Variants in GLUD1 observed in about 807,000 individuals in gnomAD.
GLUD1 encodes the protein glutamate dehydrogenase 1.
Under a neutral mutation model 56.0 loss-of-function variants are expected in GLUD1, and 22 were observed. The ratio of observed to expected loss-of-function variants is 0.39; its 90% CI spans 0.28 to 0.56. The LOEUF (loss-of-function observed/expected upper bound fraction) is 0.56. Ranked by LOEUF, GLUD1 falls within the 20% of genes least tolerant of loss-of-function variation. The pLI, the probability that GLUD1 is intolerant of heterozygous loss-of-function variation, is 0.58. For synonymous variants in GLUD1, 223 were observed against 269.9 expected (o/e 0.83, Z 1.70); for missense variants, 451 against 732.0 (o/e 0.62, Z 4.43).
chr10:87,093,664 GTTTA>G (rs1256718846), intron 1 of GLUD1, among the ~76,000 whole-genome samples: 3 of 152,126 alleles, frequency 2.0e-5, no homozygotes, highest in Non-Finnish European at 4.4e-5. Context: ...GACGCCAGGT[GTTTA>G]TTTGTCAGAG....
chr10:87,069,965 T>C (rs1846186944), intron 4 of GLUD1, among the ~76,000 whole-genome samples: 1 of 152,260 alleles, frequency 6.6e-6, no homozygotes, highest in African/African-American at 2.4e-5. Context: ...AAGGGCTCTC[T>C]GGCGCTCTCC....
Position 87,068,161 on chromosome 10 carries a change from CG to C in GLUD1, c.647-5del. 1 of 1,593,860 alleles carries C rather than the reference CG, an allele frequency of 6.3e-7. No individual in the cohort carries two copies. Among genetic ancestry groups the C allele is most frequent in the Non-Finnish European group, 8.6e-7 (1 of 1,161,578 alleles). ...GCAGGCACATCAATGCCAGGACCTG[CG>C]GGGGCACAGGGAAAGAGGAGTGCAC... On this transcript the variant is annotated splice_region_variant and splice_polypyrimidine_tract_variant and intron_variant, in intron 4 of 12. Transcript: ENST00000277865.
At chr10:87,071,789 A>C (rs1338196633) in intron 4 of GLUD1, among the ~76,000 whole-genome samples, 2 of 152,244 alleles carry the variant, frequency 1.3e-5, no homozygotes, top group Non-Finnish European at 2.9e-5. Flanking sequence ...AGACTAGACA[A>C]AGACATCATA....
At chr10:87,058,849 C>T (rs1845857151) in intron 10 of GLUD1, among the ~76,000 whole-genome samples, 1 of 152,078 alleles carries the variant, frequency 6.6e-6, no homozygotes, top group Non-Finnish European at 1.5e-5. Context: ...CGAGTTCGTG[C>T]CACTGCACTC....
intron 4 of GLUD1, among the ~76,000 whole-genome samples, chr10:87,069,059 C>T (rs1440923831): frequency 6.6e-6 from 1 of 151,562 alleles, no homozygotes; most frequent in African/African-American, 2.4e-5. Flanking sequence ...TTATCATGAA[C>T]ATACATATGG....
chr10:87,053,433 A>G (rs1246493745), intron 11 of GLUD1, 29 bp from the exon 12 acceptor site: 12 of 1,417,100 alleles, frequency 8.5e-6, no homozygotes, highest in South Asian at 3.5e-5. Context: ...CAAGTTTAAC[A>G]AAACCACAAA....
At chr10:87,083,433 T>G (rs189286524) in intron 1 of GLUD1, among the ~76,000 whole-genome samples, 1 of 152,244 alleles carries the variant, frequency 6.6e-6, no homozygotes, top group East Asian at 1.9e-4. Flanking sequence ...AAAAGTCAAA[T>G]AATAGGAAAA....
At position 87,058,136 on chromosome 10, in the gene GLUD1, G is replaced by C. The variant is rs1845836644; in HGVS notation, c.1403-354C>G. Among the ~76,000 whole-genome samples, 3 of 152,300 alleles carry C rather than the reference G, an allele frequency of 2.0e-5. No homozygotes were observed. In the South Asian group the frequency reaches 6.2e-4, roughly 32 times the overall value. On this transcript the variant is annotated intron_variant, in intron 10 of 12. Coordinates refer to ENST00000277865, the MANE Select transcript of GLUD1 (RefSeq NM_005271.5). ...ATCTGCCTTGGCCTCCCAAAGTGCT[G>C]GGATTACAGGCGTGAGCCACTGCGC...
intron 1 of GLUD1, among the ~76,000 whole-genome samples, chr10:87,088,566 A>C (rs1168898719): frequency 6.6e-6 from 1 of 152,172 alleles, no homozygotes; most frequent in Non-Finnish European, 1.5e-5. Context: ...GCAAAATCCT[A>C]CTAAGGCCCA....
intron 6 of GLUD1, chr10:87,061,268 T>G (rs751780493): frequency 7.6e-6 from 5 of 662,048 alleles, no homozygotes; most frequent in Non-Finnish European, 1.1e-5. Context: ...ACGCTTGTAA[T>G]TCCAGCACTT....
At chr10:87,064,195 G>C (rs1014872771) in intron 5 of GLUD1, among the ~76,000 whole-genome samples, 1 of 152,144 alleles carries the variant, frequency 6.6e-6, no homozygotes, top group Non-Finnish European at 1.5e-5. Flanking sequence ...TTACAGGCGT[G>C]AGCCACCGCG....
At chr10:87,078,286 A>T (rs1168308133) in intron 1 of GLUD1, among the ~76,000 whole-genome samples, 1 of 152,174 alleles carries the variant, frequency 6.6e-6, no homozygotes, top group Admixed American at 6.5e-5. Flanking sequence ...CACACAGCAG[A>T]TATCTGTATA....
chr10:87,051,971 T>C (rs1369775008), intron 12 of GLUD1, 101 bp from the exon 13 acceptor site: 10 of 1,379,244 alleles, frequency 7.3e-6, no homozygotes, highest in South Asian at 7.0e-5. Flanking sequence ...TACCCTCTCA[T>C]TGTTTCAAGG....
intron 1 of GLUD1, among the ~76,000 whole-genome samples, 195 bp from the exon 2 acceptor site, chr10:87,076,851 C>T (rs534982189): frequency 6.6e-6 from 1 of 152,224 alleles, no homozygotes; most frequent in Admixed American, 6.5e-5. Context: ...GAATATAAAA[C>T]GTTAAAAAAA....
intron 11 of GLUD1, among the ~76,000 whole-genome samples, chr10:87,055,038 T>TA (rs1845730527): frequency 6.6e-6 from 1 of 152,170 alleles, no homozygotes; most frequent in Non-Finnish European, 1.5e-5. Context: ...AAATGTGATG[T>TA]AATCACTCAG....
intron 5 of GLUD1, among the ~76,000 whole-genome samples, chr10:87,064,187 A>T (rs1018314455): frequency 6.6e-6 from 1 of 152,142 alleles, no homozygotes; most frequent in East Asian, 1.9e-4. Flanking sequence ...TGCTGGGATT[A>T]CAGGCGTGAG....
At chr10:87,059,902 C>A (rs1410126868) in intron 9 of GLUD1, among the ~76,000 whole-genome samples, 1 of 152,114 alleles carries the variant, frequency 6.6e-6, no homozygotes, top group Non-Finnish European at 1.5e-5. Context: ...GTTTCTAACA[C>A]AGTACACATT....
At chr10:87,092,647 C>G (rs1841537697) in intron 1 of GLUD1, 6 of 974,828 alleles carry the variant, frequency 6.2e-6, no homozygotes, top group Non-Finnish European at 7.3e-6. Flanking sequence ...CAGGAGAGAG[C>G]TGGGCATCTG....
chr10:87,069,283 G>A (rs1370257401), intron 4 of GLUD1, among the ~76,000 whole-genome samples: 1 of 152,126 alleles, frequency 6.6e-6, no homozygotes, highest in African/African-American at 2.4e-5. Context: ...TTGGGAGGCT[G>A]AGGAGGGCGG....
Sources: gnomAD v4.1 joint callset for allele counts (sites outside exome capture counted in the v4.1 genomes callset) on GRCh38, gnomAD v4.1.1 for gene constraint, MANE v1.5 for transcripts, NCBI Gene and HGNC (gene_info 2026-07-23, HGNC 2026-07-21) for gene names.